The following CSRNP3 variants were observed in gnomAD, a reference collection of about 807,000 sequenced individuals.
The protein encoded by CSRNP3 is cysteine and serine rich nuclear protein 3.
CSRNP3 carries 12 observed loss-of-function variants against 48.0 expected under a neutral mutation model. The ratio of observed to expected loss-of-function variants is 0.25; its 90% CI spans 0.16 to 0.41. The LOEUF (loss-of-function observed/expected upper bound fraction) is 0.41, where lower values mean the gene tolerates loss of function less well. Among genes scored for constraint, CSRNP3 ranks in the 10% least tolerant of loss-of-function variants. CSRNP3 has a pLI of 1.00. For synonymous variants in CSRNP3, 263 were observed against 269.7 expected, an observed-to-expected ratio of 0.98 and a Z score of 0.24; for missense variants, 580 against 724.4, an observed-to-expected ratio of 0.80 and a Z score of 2.29.
chr2:165,500,080 C>G lies in CSRNP3; in HGVS notation c.-113+5152C>G, dbSNP rs1043975163. ...AACAGGAAAGAAAACACCAAAAACT[C>G]AAACTCAATTGAAACAATTTTCAAA... On this transcript the variant is annotated intron_variant, in intron 2 of 6. Coordinates refer to ENST00000651982, the MANE Select transcript of CSRNP3 (RefSeq NM_001172173.2). 2.0e-5 allele frequency among the ~76,000 whole-genome samples: 3 copies of G among 149,686 alleles called. No individual in the cohort carries two copies. In the East Asian group the frequency reaches 5.8e-4, roughly 29 times the overall value.
chr2:165,515,595 A>T (rs1298305005), intron 2 of CSRNP3, among the ~76,000 whole-genome samples: 1 of 151,370 alleles, frequency 6.6e-6, no homozygotes, highest in African/African-American at 2.4e-5. Context: ...TAGCATCCTC[A>T]TTTTCTTTTT....
Position 165,608,532 on chromosome 2 carries a change from C to T in CSRNP3, c.148+13319C>T, listed in dbSNP as rs376737649. Among the ~76,000 whole-genome samples, 22 of 152,212 alleles carry T rather than the reference C, an allele frequency of 1.4e-4. No homozygotes were observed. In the South Asian group the frequency reaches 2.1e-3, roughly 14 times the overall value. On this transcript the variant is annotated intron_variant, in intron 4 of 6. Coordinates refer to ENST00000651982, the MANE Select transcript of CSRNP3 (RefSeq NM_001172173.2). The stretch of plus-strand genomic sequence containing the variant: ...AAAAACAGATAGTCATCTGATATCA[C>T]GAAATGTTATTTATAAACCTTAATA...
At chr2:165,625,988 T>C (rs1299488263) in intron 4 of CSRNP3, among the ~76,000 whole-genome samples, 9 of 149,860 alleles carry the variant, frequency 6.0e-5, no homozygotes, top group Non-Finnish European at 3.0e-5. Context: ...TTTGGGAGGC[T>C]GAGGTGGGTG....
At chr2:165,600,539 C>G (rs889665910) in intron 4 of CSRNP3, among the ~76,000 whole-genome samples, 2 of 152,212 alleles carry the variant, frequency 1.3e-5, no homozygotes, top group Non-Finnish European at 2.9e-5. Flanking sequence ...AACTAGTTTA[C>G]AGTCCCACCA....
At chr2:165,512,561 A>T (rs981519697) in intron 2 of CSRNP3, among the ~76,000 whole-genome samples, 1 of 152,232 alleles carries the variant, frequency 6.6e-6, no homozygotes, top group Non-Finnish European at 1.5e-5. Flanking sequence ...ACTGAAATAG[A>T]ATGACTAAGT....
At chr2:165,531,194 C>G (rs1684807362) in intron 3 of CSRNP3, among the ~76,000 whole-genome samples, 1 of 152,066 alleles carries the variant, frequency 6.6e-6, no homozygotes, top group Admixed American at 6.5e-5. Context: ...ATTTATTTGA[C>G]AGTAATTCTG....
rs1250443174 is a variant in CSRNP3 at position 165,683,200 on chromosome 2, G to T, written c.*3447G>T. 1 of 151,906 alleles carries T rather than the reference G, an allele frequency of 6.6e-6. No individual in the cohort carries two copies. Among genetic ancestry groups the T allele is most frequent in the African/African-American group, 2.4e-5 (1 of 41,384 alleles). 9.4% of individuals were successfully genotyped at this position (151,906 alleles called of 1,614,324 possible). The stretch of plus-strand genomic sequence containing the variant: ...AAATTCATTTGTCTCATGTCTTTTG[G>T]TTGATTGAATAATATAGTTACTTTT... On this transcript the variant is annotated 3_prime_UTR_variant, in exon 7 of 7. Coordinates refer to ENST00000651982, the MANE Select transcript of CSRNP3 (RefSeq NM_001172173.2).
intron 3 of CSRNP3, among the ~76,000 whole-genome samples, chr2:165,593,394 TAA>T (rs1685755199): frequency 6.6e-6 from 1 of 152,142 alleles, no homozygotes; most frequent in African/African-American, 2.4e-5. Flanking sequence ...CTTCACAAAG[TAA>T]AGAGTGCTGG....
chr2:165,645,646 G>A (rs576190718), intron 4 of CSRNP3, among the ~76,000 whole-genome samples: 3 of 152,134 alleles, frequency 2.0e-5, no homozygotes, highest in Non-Finnish European at 4.4e-5. Flanking sequence ...CTGACAGCCA[G>A]CAAACAGAGG....
chr2:165,676,528 C>A lies in CSRNP3; in HGVS notation c.625C>A (p.Arg209=). The A allele has an allele frequency of 6.2e-7, 1 of 1,613,962 alleles. No individual in the cohort carries two copies. The highest frequency in any genetic ancestry group is 2.2e-5 in the East Asian group (1 of 44,856). ...CGAACTCCGAGCCATCCGCCTCTCACGAGAGGACTGTGGCTGTGACTGCCG... is the reference window on the plus strand; with the variant it reads ...CGAACTCCGAGCCATCCGCCTCTCAAGAGAGGACTGTGGCTGTGACTGCCG... ...KHELRAIRLS[R]EDCGCDCRVF... Residue 209 remains arginine (R), a synonymous_variant, in exon 6 of 7, where the codon CGA becomes AGA. Transcript: ENST00000651982.
intron 1 of CSRNP3, among the ~76,000 whole-genome samples, chr2:165,492,517 T>A (rs139767212): frequency 6.6e-6 from 1 of 151,932 alleles, no homozygotes; most frequent in African/African-American, 2.4e-5. Flanking sequence ...TGTTATTACC[T>A]CTTGGTGGAG....
intron 3 of CSRNP3, among the ~76,000 whole-genome samples, chr2:165,591,638 C>T (rs1685719559): frequency 6.6e-6 from 1 of 152,156 alleles, no homozygotes; most frequent in African/African-American, 2.4e-5. Context: ...CAGCTCCAGC[C>T]TTAGCTAAAA....
intron 4 of CSRNP3, among the ~76,000 whole-genome samples, chr2:165,622,642 T>A (rs2105319392): frequency 6.6e-6 from 1 of 152,290 alleles, no homozygotes; most frequent in South Asian, 2.1e-4. Flanking sequence ...CTACATCAGA[T>A]CCTGACACCA....
intron 4 of CSRNP3, among the ~76,000 whole-genome samples, chr2:165,629,507 C>T (rs896178896): frequency 5.3e-5 from 8 of 152,110 alleles, no homozygotes; most frequent in Non-Finnish European, 1.2e-4. Flanking sequence ...TCCAGGGGTA[C>T]AGTTATGATG....
intron 2 of CSRNP3, among the ~76,000 whole-genome samples, chr2:165,516,425 T>G (rs1282670184): frequency 6.6e-6 from 1 of 152,168 alleles, no homozygotes; most frequent in African/African-American, 2.4e-5. Flanking sequence ...TGATGCTATA[T>G]TGTATTTTTG....
At chr2:165,651,899 G>A (rs563426982) in intron 4 of CSRNP3, among the ~76,000 whole-genome samples, 9 of 152,054 alleles carry the variant, frequency 5.9e-5, no homozygotes, top group African/African-American at 1.2e-4. Flanking sequence ...CAGGTGATCC[G>A]CCTGCCTCGG....
chr2:165,602,550 G>A (rs1238500126), intron 4 of CSRNP3, among the ~76,000 whole-genome samples: 4 of 152,170 alleles, frequency 2.6e-5, no homozygotes, highest in Non-Finnish European at 5.9e-5. Context: ...AGTGGAGGAA[G>A]ATATTTATGA....
At chr2:165,539,646 C>G (rs1684927329) in intron 3 of CSRNP3, among the ~76,000 whole-genome samples, 1 of 151,908 alleles carries the variant, frequency 6.6e-6, no homozygotes, top group Non-Finnish European at 1.5e-5. Context: ...AATTCATTTT[C>G]CACTCCTCTC....
At chr2:165,631,736 A>G (rs1336887288) in intron 4 of CSRNP3, among the ~76,000 whole-genome samples, 1 of 152,232 alleles carries the variant, frequency 6.6e-6, no homozygotes, top group Non-Finnish European at 1.5e-5. Flanking sequence ...TTAGCAAACT[A>G]CAGCCTTGCA....
Sources: allele counts gnomAD v4.1 joint callset (sites outside exome capture counted in the v4.1 genomes callset), GRCh38; gene constraint gnomAD v4.1.1; transcripts MANE v1.5; gene names NCBI Gene and HGNC (gene_info 2026-07-23, HGNC 2026-07-21).